Variants in NUMA1 observed in about 807,000 individuals in gnomAD.
NUMA1 encodes the protein nuclear mitotic apparatus protein 1.
A neutral mutation model predicts 237.1 loss-of-function variants in NUMA1; 62 were observed. The observed-to-expected ratio is 0.26, with a 90% CI of 0.21 to 0.32. The LOEUF (loss-of-function observed/expected upper bound fraction) is 0.32, where lower values mean the gene tolerates loss of function less well. Among genes scored for constraint, NUMA1 ranks in the 10% least tolerant of loss-of-function variants. The pLI, the probability that NUMA1 is intolerant of heterozygous loss-of-function variation, is 1.00. For synonymous variants in NUMA1, 1,028 were observed against 1,066.1 expected, an observed-to-expected ratio of 0.96 and a Z score of 0.70; for missense variants, 2,533 against 2,666.5, an observed-to-expected ratio of 0.95 and a Z score of 1.10.
At chr11:72,051,747 AGT>A (rs113293874) in intron 2 of NUMA1, among the ~76,000 whole-genome samples, 4 of 152,244 alleles carry the variant, frequency 2.6e-5, no homozygotes, top group African/African-American at 9.6e-5. Context: ...TGGGATTACA[AGT>A]GTGAGCCACT....
At chr11:72,036,620 G>A (rs1398283810) in intron 2 of NUMA1, among the ~76,000 whole-genome samples, 1 of 152,212 alleles carries the variant, frequency 6.6e-6, no homozygotes, top group Non-Finnish European at 1.5e-5. Flanking sequence ...ATCCTCCACA[G>A]AAATGTCTCA....
intron 6 of NUMA1, 68 bp downstream of exon 6, chr11:72,022,997 T>C: frequency 8.8e-7 from 1 of 1,136,688 alleles, no homozygotes; most frequent in African/African-American, 1.5e-5. Context: ...GAGAAGGCCC[T>C]GCAGGGTCCC....
intron 26 of NUMA1, 52 bp downstream of exon 26, chr11:72,003,835 G>T: frequency 3.8e-6 from 6 of 1,579,838 alleles, no homozygotes; most frequent in South Asian, 1.1e-5. Flanking sequence ...CGGTCTGGGG[G>T]GTGCCCATGC....
At chr11:72,007,506 G>A in intron 20 of NUMA1, 71 bp from the exon 21 acceptor site, 1 of 1,564,652 alleles carries the variant, frequency 6.4e-7, no homozygotes, top group Non-Finnish European at 8.6e-7. Context: ...CTTTTTGAAA[G>A]TGACCATTTC....
intron 3 of NUMA1, among the ~76,000 whole-genome samples, chr11:72,029,616 A>T (rs1164873029): frequency 6.6e-6 from 1 of 152,252 alleles, no homozygotes; most frequent in Non-Finnish European, 1.5e-5. Flanking sequence ...GAGGAACTTG[A>T]CAGCAGGGAG....
At chr11:72,051,920 G>A (rs887540177) in intron 2 of NUMA1, among the ~76,000 whole-genome samples, 3 of 152,170 alleles carry the variant, frequency 2.0e-5, no homozygotes, top group African/African-American at 7.2e-5. Context: ...AACAACCCAG[G>A]GTGACTTACT....
At chr11:72,008,532 A>G (rs1160804477) in intron 20 of NUMA1, 156 bp downstream of exon 20, 1 of 823,686 alleles carries the variant, frequency 1.2e-6, no homozygotes, top group Non-Finnish European at 1.9e-6. Context: ...TTTTATTCCA[A>G]CTGTGCCCTA....
Position 72,022,290 on chromosome 11 carries a change from T to G in NUMA1, c.372+49A>C, listed in dbSNP as rs1206330207. On this transcript the variant is annotated intron_variant, in intron 7 of 26. Transcript: ENST00000393695. ...TCAAAGAAAAACAAGTCAGGTGAGGTGAAGCATGGGCTAGGCCTGCTAGGT... is the reference window on the plus strand; with the variant it reads ...TCAAAGAAAAACAAGTCAGGTGAGGGGAAGCATGGGCTAGGCCTGCTAGGT... The G allele has an allele frequency of 2.4e-6, 3 of 1,271,690 alleles. No individual in the cohort carries two copies. The African/African-American group carries it at 4.5e-5, about 19-fold the overall frequency. 78.8% of individuals were successfully genotyped at this position (1,271,690 alleles called of 1,614,324 possible). A position where few individuals can be genotyped will look rare whatever the true frequency, so the allele number is the denominator to read the frequency against.
At chr11:72,031,805 C>A (rs1039008075) in intron 3 of NUMA1, among the ~76,000 whole-genome samples, 1 of 151,088 alleles carries the variant, frequency 6.6e-6, no homozygotes, top group African/African-American at 2.4e-5. Flanking sequence ...CGGATTGAGA[C>A]CCTGTCTCAA....
chr11:72,007,604 C>T, intron 20 of NUMA1, 169 bp from the exon 21 acceptor site: 2 of 794,804 alleles, frequency 2.5e-6, no homozygotes, highest in Admixed American at 2.6e-5. Context: ...CTGGGCCTTC[C>T]TTTCAGTCCA....
Position 72,015,345 on chromosome 11 carries a change from C to T in NUMA1, c.2158G>A (p.Glu720Lys), listed in dbSNP as rs774137891. 3 of 1,613,378 alleles carry T rather than the reference C, an allele frequency of 1.9e-6. No individual in the cohort carries two copies. Among genetic ancestry groups the T allele is most frequent in the South Asian group, 2.2e-5 (2 of 91,088 alleles). ...SLKVTKGSLE[E>K]EKRRAADALE... ...GCATCTGCAGCCCTGCGCTTCTCCT[C>T]TTCAAGGCTGCCCTTGGTGACCTTC... Residue 720 changes from glutamate to lysine, a missense_variant, in exon 15 of 27, where the codon GAG (glutamate) becomes AAG (lysine). By Grantham distance (56) the Glu-to-Lys change is moderately conservative. Coordinates refer to ENST00000393695, the MANE Select transcript of NUMA1 (RefSeq NM_006185.4). This position sits in a 1 kb window ranked among gnomAD's most constrained non-coding sequence, Gnocchi z 4.0.
intron 2 of NUMA1, among the ~76,000 whole-genome samples, chr11:72,038,998 C>T (rs1241998724): frequency 6.6e-6 from 1 of 152,094 alleles, no homozygotes; most frequent in African/African-American, 2.4e-5. Flanking sequence ...AACTTAAGGC[C>T]CTGCATCCTT....
Position 72,016,299 on chromosome 11 carries a change from C to A in NUMA1, c.1243-39G>T, listed in dbSNP as rs530252952. On this transcript the variant is annotated intron_variant, in intron 14 of 26. Coordinates refer to ENST00000393695, the MANE Select transcript of NUMA1 (RefSeq NM_006185.4). ...GAGACAAACTGGGATCAGCATGACT[C>A]CTCAGTCATCAAGACTCCTCTGGAA... 1.3e-4 allele frequency: 204 copies of A among 1,584,160 alleles called. No individual in the cohort carries two copies. In the South Asian group the frequency reaches 2.2e-3, roughly 17 times the overall value.
rs561257337 is a variant in NUMA1 at position 72,007,179 on chromosome 11, G to A, written c.5463+10C>T. 1.5e-5 allele frequency: 24 copies of A among 1,605,726 alleles called. No individual in the cohort carries two copies. The Middle Eastern group carries it at 5.5e-4, about 37-fold the overall frequency. ...TTGCTGCCCTGCAGCCCCTGTCCCA[G>A]CAGCCTGACCTTGGTCATGGTGATG... On this transcript the variant is annotated intron_variant, in intron 21 of 26. Coordinates refer to ENST00000393695, the MANE Select transcript of NUMA1 (RefSeq NM_006185.4).
In NUMA1 at chr11:72,014,632, T is replaced by G. The variant is rs758424699; in HGVS notation, c.2871A>C (p.Gly957=). The G allele has an allele frequency of 5.6e-6, 9 of 1,610,578 alleles. No homozygotes were observed. Among genetic ancestry groups the G allele is most frequent in the Non-Finnish European group, 7.6e-6 (9 of 1,180,002 alleles). ...CTGCCTGTGTGCTGCAGAACTGGCG[T>G]CCCTGTTGCTCTTCCAGCCACTCGG... is the stretch of plus-strand genomic sequence containing the variant. ...RQPEWLEEQQ[G]RQFCSTQAAL... is the part of the protein sequence containing the mutation. Residue 957 remains glycine (G), a synonymous_variant, in exon 15 of 27, where the codon GGA becomes GGC. Transcript: ENST00000393695. The surrounding 1 kb of genome is among the most constrained non-coding windows in gnomAD (Gnocchi z 4.6).
intron 1 of NUMA1, among the ~76,000 whole-genome samples, chr11:72,074,066 T>C (rs1455237288): frequency 6.6e-6 from 1 of 152,038 alleles, no homozygotes; most frequent in Non-Finnish European, 1.5e-5. Flanking sequence ...TGGTGGCGCA[T>C]GCCTGTAATC....
At chr11:72,007,852 C>T (rs1266211777) in intron 20 of NUMA1, 7 of 350,926 alleles carry the variant, frequency 2.0e-5, no homozygotes, top group Non-Finnish European at 3.8e-5. Context: ...AATCACCAAG[C>T]TTCCTGAACA....
chr11:72,028,927 G>T (rs1029135520), intron 4 of NUMA1, among the ~76,000 whole-genome samples: 1 of 152,220 alleles, frequency 6.6e-6, no homozygotes, highest in Non-Finnish European at 1.5e-5. Context: ...TGAGCACTTG[G>T]AAGAATGTGA....
At chr11:72,054,878 G>A (rs1942553486) in intron 2 of NUMA1, among the ~76,000 whole-genome samples, 1 of 152,162 alleles carries the variant, frequency 6.6e-6, no homozygotes. Context: ...ATGCTTGCTT[G>A]TAAGGCCTGT....
Sources: gnomAD v4.1 joint callset for allele counts (sites outside exome capture counted in the v4.1 genomes callset) on GRCh38, gnomAD v4.1.1 for gene constraint, Gnocchi (gnomAD v3.1) non-coding constraint, MANE v1.5 for transcripts, NCBI Gene and HGNC (gene_info 2026-07-23, HGNC 2026-07-21) for gene names.